The following HCRTR2 variants were observed in gnomAD, a reference collection of about 807,000 sequenced individuals.
HCRTR2 encodes hypocretin receptor 2.
Under a neutral mutation model 49.0 loss-of-function variants are expected in HCRTR2, and 22 were observed. The observed-to-expected ratio is 0.45, with a 90% CI of 0.32 to 0.64. The LOEUF (loss-of-function observed/expected upper bound fraction) is 0.64, where lower values mean the gene tolerates loss of function less well. Ranked by LOEUF, HCRTR2 falls within the 30% of genes least tolerant of loss-of-function variation. HCRTR2 has a pLI of 0.04. For missense variants in HCRTR2, 491 were observed against 559.4 expected, an observed-to-expected ratio of 0.88 and a Z score of 1.23; for synonymous variants, 236 against 205.3, an observed-to-expected ratio of 1.15 and a Z score of -1.28.
At chr6:55,249,070 T>C (rs1199521072) in intron 2 of HCRTR2, among the ~76,000 whole-genome samples, 1 of 152,144 alleles carries the variant, frequency 6.6e-6, no homozygotes, top group Admixed American at 6.6e-5. Flanking sequence ...CTAATTTGAT[T>C]CCAAAAGTTT....
At chr6:55,192,390 A>AAC (rs149109593) in intron 1 of HCRTR2, among the ~76,000 whole-genome samples, 9 of 136,522 alleles carry the variant, frequency 6.6e-5, no homozygotes, top group South Asian at 4.8e-4. Flanking sequence ...CCTTTCTCTA[A>AAC]ACACACACAC....
intron 1 of HCRTR2, among the ~76,000 whole-genome samples, chr6:55,230,854 T>C (rs1766101265): frequency 6.6e-6 from 1 of 152,124 alleles, no homozygotes; most frequent in Non-Finnish European, 1.5e-5. Context: ...ATTTTTTTTT[T>C]TTTTTACGGT....
intron 1 of HCRTR2, among the ~76,000 whole-genome samples, chr6:55,197,488 C>G (rs1284240577): frequency 6.6e-6 from 1 of 152,130 alleles, no homozygotes; most frequent in African/African-American, 2.4e-5. Flanking sequence ...TAATCCTAAC[C>G]CTAATATTAT....
Position 55,141,283 on chromosome 6 carries a change from G to T in HCRTR2, c.-377-32928G>T, listed in dbSNP as rs562820251. On this transcript the variant is annotated intron_variant, in intron 1 of 7. Coordinates refer to the HCRTR2 transcript ENST00000615358. The stretch of plus-strand genomic sequence containing the variant: ...TGCGTGAACCCAGGAGGCAGAGTTC[G>T]CAGTGAGCCGAGATTGCGCCACTGC... Among the ~76,000 whole-genome samples, 293 of 152,118 alleles carry T rather than the reference G, an allele frequency of 1.9e-3. 2 individuals are homozygous for T. The highest frequency in any genetic ancestry group is 6.8e-3 in the African/African-American group (284 of 41,510).
intron 1 of HCRTR2, among the ~76,000 whole-genome samples, chr6:55,243,208 G>T (rs183026506): frequency 1.3e-5 from 2 of 152,282 alleles, no homozygotes; most frequent in East Asian, 3.9e-4. Flanking sequence ...TGGAATTCAA[G>T]AATTCACTGA....
At chr6:55,217,883 C>T (rs554594215) in intron 1 of HCRTR2, among the ~76,000 whole-genome samples, 3 of 152,140 alleles carry the variant, frequency 2.0e-5, no homozygotes, top group African/African-American at 7.2e-5. Context: ...ATCAGCCTCA[C>T]TTCTTGTTAC....
chr6:55,221,542 G>T (rs150713458), intron 1 of HCRTR2, among the ~76,000 whole-genome samples: 1 of 152,118 alleles, frequency 6.6e-6, no homozygotes, highest in Non-Finnish European at 1.5e-5. Flanking sequence ...GGCCGGGCGT[G>T]GTGGCTCACG....
intron 1 of HCRTR2, among the ~76,000 whole-genome samples, chr6:55,115,382 G>T (rs747280620): frequency 6.6e-6 from 1 of 151,562 alleles, no homozygotes; most frequent in Non-Finnish European, 1.5e-5. Context: ...TGCTAAAGTA[G>T]TTGTATTAAA....
intron 1 of HCRTR2, among the ~76,000 whole-genome samples, chr6:55,195,264 C>G (rs1378760955): frequency 6.6e-6 from 1 of 152,042 alleles, no homozygotes; most frequent in Non-Finnish European, 1.5e-5. Flanking sequence ...AAATAATAAA[C>G]TGAAAGAAGA....
At chr6:55,278,102 T>C (rs1767114645) in intron 5 of HCRTR2, among the ~76,000 whole-genome samples, 1 of 152,210 alleles carries the variant, frequency 6.6e-6, no homozygotes, top group Admixed American at 6.5e-5. Flanking sequence ...CAGATATGTA[T>C]GTCGAATGTC....
At chr6:55,149,346 A>G (rs1279700765) in intron 1 of HCRTR2, among the ~76,000 whole-genome samples, 1 of 152,088 alleles carries the variant, frequency 6.6e-6, no homozygotes, top group African/African-American at 2.4e-5. Flanking sequence ...GTTTAATACT[A>G]CACAGCAGGG....
At chr6:55,182,099 C>T (rs1446936139) in intron 1 of HCRTR2, among the ~76,000 whole-genome samples, 1 of 152,206 alleles carries the variant, frequency 6.6e-6, no homozygotes, top group Non-Finnish European at 1.5e-5. Context: ...GCTCATTTAA[C>T]ATCTGAGGTG....
chr6:55,164,688 G>A lies in HCRTR2; in HGVS notation c.-377-9523G>A, dbSNP rs368556141. 5.7e-3 allele frequency among the ~76,000 whole-genome samples: 866 copies of A among 152,116 alleles called. 7 individuals are homozygous for A. Among genetic ancestry groups the A allele is most frequent in the African/African-American group, 0.02 (822 of 41,478 alleles). ...TACATAATGTAGGTGACAGGTTGATGGGTGCAGCAAACCACCGTGGCACAT... is the reference window on the plus strand; with the variant it reads ...TACATAATGTAGGTGACAGGTTGATAGGTGCAGCAAACCACCGTGGCACAT... On this transcript the variant is annotated intron_variant, in intron 1 of 7. Coordinates refer to the HCRTR2 transcript ENST00000615358.
chr6:55,133,178 T>A (rs944970579), intron 1 of HCRTR2, among the ~76,000 whole-genome samples: 1 of 151,810 alleles, frequency 6.6e-6, no homozygotes, highest in Non-Finnish European at 1.5e-5. Flanking sequence ...AGGACTTATT[T>A]TTAGAGTAAA....
chr6:55,136,317 T>C (rs1164796823), intron 1 of HCRTR2, among the ~76,000 whole-genome samples: 1 of 152,178 alleles, frequency 6.6e-6, no homozygotes, highest in African/African-American at 2.4e-5. Flanking sequence ...ATTTAACTAC[T>C]AGAGCCGCAG....
rs556465269 is a variant in HCRTR2 at position 55,106,477 on chromosome 6, GAAAC to G, written c.-442_-439del. ...TTTTCAGCATTCCTTTTGACTCACT[GAAAC>G]AAATCAAGAGGTGAATATATTGAAG... On this transcript the variant is annotated 5_prime_UTR_variant, in exon 1 of 8. Transcript: ENST00000615358. 1.3e-3 allele frequency: 194 copies of G among 152,062 alleles called. 1 individual carries two copies. The highest frequency in any genetic ancestry group is 4.5e-3 in the African/African-American group (186 of 41,502). 9.4% of individuals were successfully genotyped at this position (152,062 alleles called of 1,614,324 possible).
At chr6:55,241,682 A>T (rs1355455672) in intron 1 of HCRTR2, among the ~76,000 whole-genome samples, 6 of 152,074 alleles carry the variant, frequency 3.9e-5, no homozygotes, top group Non-Finnish European at 8.8e-5. Context: ...ATATATTGGA[A>T]CTAAGGTTTT....
At chr6:55,278,404 T>C (rs1353135158) in intron 5 of HCRTR2, among the ~76,000 whole-genome samples, 1 of 152,162 alleles carries the variant, frequency 6.6e-6, no homozygotes, top group African/African-American at 2.4e-5. Context: ...CTCCTCTCAC[T>C]TTGGCCTGAT....
chr6:55,185,018 T>C (rs556854692), intron 1 of HCRTR2, among the ~76,000 whole-genome samples: 2 of 152,292 alleles, frequency 1.3e-5, no homozygotes, highest in East Asian at 1.9e-4. Context: ...AATGTGAAGA[T>C]TGTGCTGATC....
Sources: allele counts gnomAD v4.1 joint callset (sites outside exome capture counted in the v4.1 genomes callset), GRCh38; gene constraint gnomAD v4.1.1; transcripts MANE v1.5; gene names NCBI Gene and HGNC (gene_info 2026-07-23, HGNC 2026-07-21).